Variants in AHI1 observed in about 807,000 individuals in gnomAD.
AHI1 encodes Abelson helper integration site 1, also known as jouberin.
A neutral mutation model predicts 149.3 loss-of-function variants in AHI1; 123 were observed. That is an observed-to-expected ratio of 0.82 (90% CI 0.71 to 0.96). The LOEUF (loss-of-function observed/expected upper bound fraction) is 0.96, where lower values mean the gene tolerates loss of function less well. AHI1 is among the 40% of genes least tolerant of loss of function. The pLI is 0.00. For synonymous variants in AHI1, 475 were observed against 459.8 expected (o/e 1.03, Z -0.42); for missense variants, 1,439 against 1,422.7 (o/e 1.01, Z -0.18).
chr6:135,477,035 CTCTTTTTTTTTT>C (rs984887871), intron 5 of AHI1, among the ~76,000 whole-genome samples: 2 of 151,014 alleles, frequency 1.3e-5, no homozygotes, highest in Non-Finnish European at 3.0e-5. Flanking sequence ...TCTCTTTGTC[CTCTTTTTTTTTT>C]TCTTTTTTTT....
chr6:135,355,146 C>T (rs991021991), intron 24 of AHI1, among the ~76,000 whole-genome samples: 3 of 152,076 alleles, frequency 2.0e-5, no homozygotes, highest in Non-Finnish European at 4.4e-5. Flanking sequence ...TTCCCATTTT[C>T]TAATTCTTGA....
chr6:135,405,070 T>A (rs2128498722), intron 21 of AHI1, 93 bp from the exon 22 acceptor site: 1 of 1,056,238 alleles, frequency 9.5e-7, no homozygotes, highest in African/African-American at 1.6e-5. Context: ...TCTAATAACC[T>A]AAATCAGCAT....
chr6:135,386,633 T>C (rs1246213139), intron 23 of AHI1, among the ~76,000 whole-genome samples: 1 of 151,718 alleles, frequency 6.6e-6, no homozygotes, highest in African/African-American at 2.4e-5. Flanking sequence ...TTTCTTTTCT[T>C]TTTTTGTTTT....
chr6:135,443,378 C>T (rs886717335), intron 13 of AHI1, among the ~76,000 whole-genome samples: 1 of 152,136 alleles, frequency 6.6e-6, no homozygotes, highest in African/African-American at 2.4e-5. Context: ...TCTCTTGCAA[C>T]CTTCAGTGAG....
chr6:135,293,409 AAAAAAAAAAAAAAAAG>A lies in AHI1; in HGVS notation c.3486-2900_3486-2885del, dbSNP rs1457327198. Among the ~76,000 whole-genome samples, 365 of 141,918 alleles carry A rather than the reference AAAAAAAAAAAAAAAAG, an allele frequency of 2.6e-3. 1 individual carries two copies. Among genetic ancestry groups the A allele is most frequent in the African/African-American group, 8.5e-3 (342 of 40,032 alleles). The allele number at this position is 141,918 out of a possible 152,430, so 93.1% of individuals were successfully genotyped here. ...TAACAGGGCAAAAAAAAAAAAAGAA[AAAAAAAAAAAAAAAAG>A]AAAAAAAGAAAGAAAGAAAAGGCGC... On this transcript the variant is annotated intron_variant, in intron 27 of 28. Coordinates refer to ENST00000265602, the MANE Select transcript of AHI1 (RefSeq NM_001134831.2).
chr6:135,323,527 A>T, intron 24 of AHI1: 1 of 438,530 alleles, frequency 2.3e-6, no homozygotes, highest in Non-Finnish European at 4.0e-6. Context: ...GGGATTGAGA[A>T]ATGGTTACGA....
intron 26 of AHI1, among the ~76,000 whole-genome samples, chr6:135,309,236 G>A (rs1218632731): frequency 6.6e-6 from 1 of 152,098 alleles, no homozygotes; most frequent in African/African-American, 2.4e-5. Context: ...ATGGGTATGA[G>A]GTAAAGGTAA....
intron 8 of AHI1, among the ~76,000 whole-genome samples, chr6:135,462,467 G>A (rs924628856): frequency 3.3e-5 from 5 of 151,036 alleles, no homozygotes; most frequent in Non-Finnish European, 7.3e-5. Context: ...TTTATTGGCT[G>A]CTGACCATTT....
chr6:135,470,135 A>G (rs1428035718), intron 5 of AHI1, among the ~76,000 whole-genome samples: 1 of 152,080 alleles, frequency 6.6e-6, no homozygotes, highest in Non-Finnish European at 1.5e-5. Context: ...AAACTAAACG[A>G]CCCCACAAAA....
chr6:135,495,216 G>A (rs1164374957), intron 3 of AHI1: 1 of 151,988 alleles, frequency 6.6e-6, no homozygotes, highest in Non-Finnish European at 1.5e-5. Context: ...AGCAACTAGT[G>A]TAATTTTCTA....
chr6:135,377,105 A>G (rs1440837056), intron 23 of AHI1, among the ~76,000 whole-genome samples: 2 of 152,000 alleles, frequency 1.3e-5, no homozygotes, highest in East Asian at 3.8e-4. Context: ...CTGAATACGA[A>G]CTGTTTATTA....
At chr6:135,338,300 C>CAAAAAAAAAAAAAAAA (rs199794648) in intron 24 of AHI1, among the ~76,000 whole-genome samples, 3 of 94,582 alleles carry the variant, frequency 3.2e-5, no homozygotes, top group Non-Finnish European at 6.5e-5. Flanking sequence ...AACTCCATCT[C>CAAAAAAAAAAAAAAAA]AAAAAAAAAA....
chr6:135,302,825 C>T (rs936059282), intron 26 of AHI1: 23 of 1,288,512 alleles, frequency 1.8e-5, no homozygotes, highest in Middle Eastern at 2.1e-4. Flanking sequence ...TACCTTTAAA[C>T]GAAAAAGCCC....
chr6:135,410,225 C>T (rs1308712922), intron 21 of AHI1, among the ~76,000 whole-genome samples: 1 of 152,000 alleles, frequency 6.6e-6, no homozygotes, highest in Non-Finnish European at 1.5e-5. Flanking sequence ...TTTTAATTAG[C>T]CAGGCCTGGT....
chr6:135,300,846 T>C, intron 26 of AHI1: 1 of 1,083,328 alleles, frequency 9.2e-7, no homozygotes, highest in African/African-American at 1.7e-5. Flanking sequence ...CAGTTGTGAA[T>C]CAGTTTAAAT....
intron 27 of AHI1, among the ~76,000 whole-genome samples, chr6:135,296,761 C>A (rs1783147987): frequency 6.6e-6 from 1 of 152,170 alleles, no homozygotes; most frequent in Admixed American, 6.5e-5. Flanking sequence ...ACTTATTTTG[C>A]ATATAGGTAA....
chr6:135,338,582 G>A (rs1438375866), intron 24 of AHI1, among the ~76,000 whole-genome samples: 1 of 152,084 alleles, frequency 6.6e-6, no homozygotes, highest in Non-Finnish European at 1.5e-5. Flanking sequence ...AAGAACACTG[G>A]GATTAACTGT....
At position 135,421,124 on chromosome 6, in the gene AHI1, C is replaced by G. The variant is rs1783089861; in HGVS notation, c.2764+6043G>C. Reference sequence around the variant, plus strand: ...GAAAACATTTATCAATTAAGTTCGCCATCTTATATGGGTACAGTTTGTGGT... The same window carrying G: ...GAAAACATTTATCAATTAAGTTCGCGATCTTATATGGGTACAGTTTGTGGT... On this transcript the variant is annotated intron_variant, in intron 20 of 28. Coordinates refer to ENST00000265602, the MANE Select transcript of AHI1 (RefSeq NM_001134831.2). Among the ~76,000 whole-genome samples, 3 of 152,018 alleles carry G rather than the reference C, an allele frequency of 2.0e-5. No homozygotes were observed. The South Asian group carries it at 6.2e-4, about 31-fold the overall frequency.
chr6:135,424,891 T>C (rs1171836689), intron 20 of AHI1, among the ~76,000 whole-genome samples: 2 of 151,960 alleles, frequency 1.3e-5, no homozygotes, highest in Non-Finnish European at 2.9e-5. Flanking sequence ...AAAATATTTA[T>C]GTAAAGCCAT....
Sources: allele counts gnomAD v4.1 joint callset (sites outside exome capture counted in the v4.1 genomes callset), GRCh38; gene constraint gnomAD v4.1.1; transcripts MANE v1.5; gene names NCBI Gene and HGNC (gene_info 2026-07-23, HGNC 2026-07-21).